Variants in CPAMD8 observed in about 807,000 individuals in gnomAD.
CPAMD8 encodes C3 and PZP like alpha-2-macroglobulin domain containing 8.
In CPAMD8, 146 loss-of-function variants were observed where a neutral mutation model predicts 224.7. The observed-to-expected ratio is 0.65, with a 90% CI of 0.57 to 0.75. The LOEUF is 0.75. CPAMD8 is among the 30% of genes least tolerant of loss of function. CPAMD8 has a pLI of 0.00. For missense variants in CPAMD8, 2,301 were observed against 2,537.5 expected (o/e 0.91, Z 2.00); for synonymous variants, 966 against 1,044.6 (o/e 0.92, Z 1.45).
intron 18 of CPAMD8, among the ~76,000 whole-genome samples, chr19:16,965,078 G>A (rs4808541): frequency 0.18 from 27,870 of 151,986 alleles, 2,846 homozygotes; most frequent in Admixed American, 0.25. Context: ...GGCTAACACG[G>A]TGATACCCTG....
intron 1 of CPAMD8, among the ~76,000 whole-genome samples, chr19:17,025,206 T>G (rs1329349980): frequency 6.6e-6 from 1 of 151,924 alleles, no homozygotes; most frequent in African/African-American, 2.4e-5. Context: ...AGGTCAGGAG[T>G]TCCAGAACAG....
chr19:16,920,078 C>T (rs1318120055), intron 27 of CPAMD8, among the ~76,000 whole-genome samples: 1 of 152,224 alleles, frequency 6.6e-6, no homozygotes, highest in African/African-American at 2.4e-5. Context: ...TCACTGCCTC[C>T]TTGTCCTACA....
Position 16,908,412 on chromosome 19 carries a change from C to T in CPAMD8, c.3862-1295G>A, listed in dbSNP as rs144904344. Among the ~76,000 whole-genome samples, 23 of 151,834 alleles carry T rather than the reference C, an allele frequency of 1.5e-4. No homozygotes were observed. The East Asian group carries it at 4.4e-3, about 29-fold the overall frequency. On this transcript the variant is annotated intron_variant, in intron 29 of 41. Coordinates refer to ENST00000443236, the MANE Select transcript of CPAMD8 (RefSeq NM_015692.5). Reference sequence around the variant, plus strand: ...AAAAAGCTGGCTCCTAAGACCTCCACAGCCCAGGCCCTCCCCAGCCTCCAG... The same window carrying T: ...AAAAAGCTGGCTCCTAAGACCTCCATAGCCCAGGCCCTCCCCAGCCTCCAG...
intron 18 of CPAMD8, among the ~76,000 whole-genome samples, chr19:16,962,033 A>G (rs2054675458): frequency 1.3e-5 from 2 of 152,224 alleles, no homozygotes; most frequent in Admixed American, 1.3e-4. Flanking sequence ...CCCCATCTGT[A>G]GGTTACCAGC....
intron 8 of CPAMD8, 67 bp from the exon 9 acceptor site, chr19:17,002,417 C>A: frequency 2.8e-6 from 3 of 1,072,686 alleles, no homozygotes; most frequent in Admixed American, 3.9e-5. Flanking sequence ...AGCCCTGACA[C>A]CGGTGCAAGG....
chr19:16,991,395 G>T (rs890918022), intron 12 of CPAMD8, among the ~76,000 whole-genome samples: 3 of 152,254 alleles, frequency 2.0e-5, no homozygotes, highest in East Asian at 3.9e-4. Flanking sequence ...AGAATTTAGG[G>T]TAGTCTTGTG....
intron 27 of CPAMD8, among the ~76,000 whole-genome samples, chr19:16,916,862 G>T (rs1009741880): frequency 6.6e-6 from 1 of 152,046 alleles, no homozygotes; most frequent in Non-Finnish European, 1.5e-5. Flanking sequence ...CATGTTCCCT[G>T]GATTAGCCAG....
chr19:16,967,848 T>C (rs2054883501), intron 18 of CPAMD8, among the ~76,000 whole-genome samples: 1 of 150,802 alleles, frequency 6.6e-6, no homozygotes, highest in Non-Finnish European at 1.5e-5. Flanking sequence ...TACACACATA[T>C]GTGCGTGTAT....
chr19:16,928,158 A>T lies in CPAMD8; in HGVS notation c.3221T>A (p.Phe1074Tyr), dbSNP rs1295366845. The T allele has an allele frequency of 1.2e-6, 2 of 1,614,164 alleles. No homozygotes were observed. Among genetic ancestry groups the T allele is most frequent in the African/African-American group, 2.7e-5 (2 of 75,054 alleles). Residue 1074 changes from phenylalanine (F) to tyrosine (Y), a missense_variant, in exon 25 of 42, where the codon TTC (phenylalanine) becomes TAC (tyrosine). Phe to Tyr is a conservative substitution (Grantham distance 22). Transcript: ENST00000443236. ...WTLPRPPEVQFIGFSTGWGSM... is the reference protein window; with the variant it reads ...WTLPRPPEVQYIGFSTGWGSM... ...GCCCCAGCCGGTGGAAAAGCCAATG[A>T]ACTGGACCTCTGGTGGCCTCGGGAG... is the stretch of plus-strand genomic sequence containing the variant.
intron 6 of CPAMD8, 133 bp downstream of exon 6, chr19:17,009,170 G>A (rs1402800518): frequency 4.1e-6 from 6 of 1,470,176 alleles, no homozygotes; most frequent in Admixed American, 1.7e-5. Flanking sequence ...GATAGAAGAG[G>A]CCAGGTCCCA....
chr19:17,009,481 G>T (rs1033514798), intron 5 of CPAMD8, 161 bp from the exon 6 acceptor site: 1 of 1,271,726 alleles, frequency 7.9e-7, no homozygotes. Context: ...CCCAAGTAGG[G>T]TCTTTAGAAA....
intron 22 of CPAMD8, among the ~76,000 whole-genome samples, chr19:16,944,939 A>G (rs967461749): frequency 2.0e-5 from 3 of 152,150 alleles, no homozygotes; most frequent in Non-Finnish European, 4.4e-5. Context: ...GATGTGTCCA[A>G]GCAGCCAAGA....
rs944904371 is a variant in CPAMD8, at chr19:17,011,628, G to A, written c.397C>T (p.Gln133Ter). 6 of 1,614,050 alleles carry A rather than the reference G, an allele frequency of 3.7e-6. No homozygotes were observed. In the Admixed American group the frequency reaches 8.3e-5, roughly 22 times the overall value. The change falls in exon 4 of 42, where the codon CAG becomes TAG. Residue 133 changes from glutamine (Q) to a stop codon, truncating the protein, a stop_gained. Coordinates refer to ENST00000443236, the MANE Select transcript of CPAMD8 (RefSeq NM_015692.5). LOFTEE classifies it high-confidence loss of function. ...VDGRGASVFI[Q>*]TDKPVYRPQH... ...GGTCTGTACACAGGCTTGTCCGTCT[G>A]GATGAATACAGAAGCGCCCCGGCCG...
At chr19:16,926,169 C>T (rs2053351248) in intron 25 of CPAMD8, among the ~76,000 whole-genome samples, 1 of 151,914 alleles carries the variant, frequency 6.6e-6, no homozygotes, top group Non-Finnish European at 1.5e-5. Flanking sequence ...TTTCAGTTTT[C>T]TCTCTTTAAA....
At chr19:16,917,113 C>T (rs1388727577) in intron 27 of CPAMD8, among the ~76,000 whole-genome samples, 2 of 152,140 alleles carry the variant, frequency 1.3e-5, no homozygotes, top group African/African-American at 2.4e-5. Context: ...AGCTCTCAGC[C>T]GGATTCAGTG....
chr19:16,989,361 A>G (rs922905475), intron 13 of CPAMD8, among the ~76,000 whole-genome samples: 1 of 151,908 alleles, frequency 6.6e-6, no homozygotes, highest in Non-Finnish European at 1.5e-5. Flanking sequence ...ATCTCAGCTC[A>G]CTGCAACCTC....
At chr19:16,991,822 T>C (rs2122915689) in intron 12 of CPAMD8, among the ~76,000 whole-genome samples, 1 of 150,466 alleles carries the variant, frequency 6.6e-6, no homozygotes, top group African/African-American at 2.4e-5. Context: ...ACCACTGCAC[T>C]CCAGCTTGGG....
intron 7 of CPAMD8, among the ~76,000 whole-genome samples, chr19:17,005,017 T>C (rs2056447064): frequency 6.7e-6 from 1 of 150,312 alleles, no homozygotes; most frequent in African/African-American, 2.5e-5. Context: ...CCTGCCAGGA[T>C]AGGGTTTCTC....
At chr19:16,994,515 C>T (rs368417539) in intron 11 of CPAMD8, among the ~76,000 whole-genome samples, 387 of 105,308 alleles carry the variant, frequency 3.7e-3, no homozygotes, top group Non-Finnish European at 5.5e-3. Flanking sequence ...TAACCACTCC[C>T]TTTTTTTTTT....
Sources: allele counts gnomAD v4.1 joint callset (sites outside exome capture counted in the v4.1 genomes callset), GRCh38; gene constraint gnomAD v4.1.1; transcripts MANE v1.5; gene names NCBI Gene and HGNC (gene_info 2026-07-23, HGNC 2026-07-21).